Variants in SEL1L2 observed in about 807,000 individuals in gnomAD.
The protein encoded by SEL1L2 is protein sel-1 homolog 2.
SEL1L2 carries 89 observed loss-of-function variants against 98.8 expected under a neutral mutation model. That is an observed-to-expected ratio of 0.90 (90% CI 0.76 to 1.07). The LOEUF (loss-of-function observed/expected upper bound fraction) is 1.07, where lower values mean the gene tolerates loss of function less well. Among genes scored for constraint, SEL1L2 ranks in the 50% least tolerant of loss-of-function variants. SEL1L2 has a pLI of 0.00. For synonymous variants in SEL1L2, 262 were observed against 278.5 expected (o/e 0.94, Z 0.59); for missense variants, 788 against 812.0 (o/e 0.97, Z 0.36).
intron 2 of SEL1L2, among the ~76,000 whole-genome samples, chr20:13,944,739 C>T (rs765828717): frequency 9.9e-5 from 15 of 152,188 alleles, no homozygotes; most frequent in Non-Finnish European, 2.2e-4. Flanking sequence ...GCTCTTCAAA[C>T]TGTTTCCTTT....
chr20:13,852,340 G>A (rs1348095745), intron 18 of SEL1L2, among the ~76,000 whole-genome samples: 1 of 152,176 alleles, frequency 6.6e-6, no homozygotes, highest in African/African-American at 2.4e-5. Flanking sequence ...TTTGCAGTGT[G>A]TGTGGGGCTG....
intron 5 of SEL1L2, among the ~76,000 whole-genome samples, chr20:13,890,824 TAAAA>T (rs139456204): frequency 2.0e-5 from 3 of 152,156 alleles, no homozygotes; most frequent in Admixed American, 6.5e-5. Flanking sequence ...GAGAAACTAT[TAAAA>T]AAACAGAAAT....
chr20:13,947,780 A>C (rs1460772762), intron 2 of SEL1L2, among the ~76,000 whole-genome samples: 1 of 152,230 alleles, frequency 6.6e-6, no homozygotes, highest in Non-Finnish European at 1.5e-5. Flanking sequence ...ATCCAGACGC[A>C]GGTGCCCACA....
At chr20:13,932,161 G>C (rs2049173077) in intron 2 of SEL1L2, among the ~76,000 whole-genome samples, 1 of 152,062 alleles carries the variant, frequency 6.6e-6, no homozygotes, top group African/African-American at 2.4e-5. Flanking sequence ...TATAATGGGT[G>C]GAAAGTACAG....
intron 2 of SEL1L2, among the ~76,000 whole-genome samples, chr20:13,934,070 C>T (rs996994531): frequency 9.3e-5 from 14 of 150,000 alleles, no homozygotes; most frequent in Non-Finnish European, 1.8e-4. Context: ...ACCCATCACC[C>T]GAGCAGTATA....
chr20:13,938,922 G>C (rs2049589528), intron 2 of SEL1L2, among the ~76,000 whole-genome samples: 2 of 151,608 alleles, frequency 1.3e-5, no homozygotes, highest in Admixed American at 6.6e-5. Context: ...TGGGACCTCT[G>C]GCTATTTAAT....
At chr20:13,944,232 C>T (rs1205416740) in intron 2 of SEL1L2, among the ~76,000 whole-genome samples, 1 of 152,128 alleles carries the variant, frequency 6.6e-6, no homozygotes, top group Non-Finnish European at 1.5e-5. Flanking sequence ...CTCAGAGAAA[C>T]AGCAAATGCC....
intron 5 of SEL1L2, among the ~76,000 whole-genome samples, chr20:13,892,507 T>C (rs986984688): frequency 3.4e-5 from 5 of 147,568 alleles, no homozygotes; most frequent in Non-Finnish European, 7.5e-5. Flanking sequence ...ACAAAGAAAA[T>C]GTGCATTGAG....
intron 12 of SEL1L2, among the ~76,000 whole-genome samples, chr20:13,871,811 C>T (rs916766661): frequency 4.6e-5 from 7 of 152,130 alleles, no homozygotes; most frequent in African/African-American, 1.7e-4. Flanking sequence ...CGCACCCTGC[C>T]GACCAACTGA....
chr20:13,928,285 T>G (rs1397890222), intron 3 of SEL1L2: 1 of 152,210 alleles, frequency 6.6e-6, no homozygotes, highest in Non-Finnish European at 1.5e-5. Context: ...CTTTCCATCC[T>G]TGAAGACTTG....
chr20:13,956,191 A>G, intron 1 of SEL1L2, 60 bp from the exon 2 acceptor site: 2 of 835,150 alleles, frequency 2.4e-6, no homozygotes, highest in Non-Finnish European at 3.7e-6. Flanking sequence ...AAATTTCACT[A>G]AATACAATTT....
chr20:13,919,006 T>A lies in SEL1L2; in HGVS notation c.386+15A>T, dbSNP rs2048531983. ...GGAAATTCAACTTGGCTAAGGTCAC[T>A]GGATAAAGACTTACTCTTCTTTTTG... On this transcript the variant is annotated intron_variant, in intron 4 of 19. Coordinates refer to ENST00000284951, the MANE Select transcript of SEL1L2 (RefSeq NM_025229.2). 3.8e-6 allele frequency: 6 copies of A among 1,568,722 alleles called. No homozygotes were observed. Among genetic ancestry groups the A allele is most frequent in the Non-Finnish European group, 5.2e-6 (6 of 1,147,492 alleles).
chr20:13,886,970 A>G (rs771317204), intron 8 of SEL1L2, among the ~76,000 whole-genome samples: 1 of 152,166 alleles, frequency 6.6e-6, no homozygotes, highest in Non-Finnish European at 1.5e-5. Flanking sequence ...ATCAACTTAT[A>G]TCAGACTCTA....
chr20:13,929,069 A>G (rs1600791079), intron 3 of SEL1L2, among the ~76,000 whole-genome samples: 1 of 152,108 alleles, frequency 6.6e-6, no homozygotes. Flanking sequence ...AGCCTTAAGA[A>G]TGGAACTGAG....
At chr20:13,964,234 TC>T (rs766988056) in intron 1 of SEL1L2, among the ~76,000 whole-genome samples, 3 of 151,970 alleles carry the variant, frequency 2.0e-5, no homozygotes, top group African/African-American at 4.8e-5. Flanking sequence ...ATATGTTCTA[TC>T]CCCCTATTTT....
intron 12 of SEL1L2, among the ~76,000 whole-genome samples, chr20:13,870,437 T>C (rs1194636122): frequency 6.6e-6 from 1 of 152,244 alleles, no homozygotes; most frequent in South Asian, 2.1e-4. Context: ...TATTCAACAC[T>C]TATTTAGGAC....
intron 1 of SEL1L2, among the ~76,000 whole-genome samples, chr20:13,962,679 A>C (rs2050834460): frequency 6.6e-6 from 1 of 152,250 alleles, no homozygotes. Context: ...CTTGATTCAA[A>C]AATCTCAATT....
chr20:13,934,433 C>T (rs1232152817), intron 2 of SEL1L2, among the ~76,000 whole-genome samples: 3 of 26,484 alleles, frequency 1.1e-4, no homozygotes, highest in African/African-American at 2.6e-4. Flanking sequence ...ATATATATTC[C>T]ATATATATAT....
At position 13,931,503 on chromosome 20, in the gene SEL1L2, A is replaced by T. The variant is rs1247824225; in HGVS notation, c.283+100T>A. On this transcript the variant is annotated intron_variant, in intron 3 of 19. Coordinates refer to ENST00000284951, the MANE Select transcript of SEL1L2 (RefSeq NM_025229.2). ...AATGCTTTTGTGTGTATAAATATTT[A>T]TGACTATATCCTAAGACTTCTCAGA... 9 of 660,024 alleles carry T rather than the reference A, an allele frequency of 1.4e-5. No individual in the cohort carries two copies. In the Admixed American group the frequency reaches 3.0e-4, roughly 22 times the overall value. 40.9% of individuals were successfully genotyped at this position (660,024 alleles called of 1,614,324 possible).
Sources: gnomAD v4.1 joint callset for allele counts (sites outside exome capture counted in the v4.1 genomes callset) on GRCh38, gnomAD v4.1.1 for gene constraint, MANE v1.5 for transcripts, NCBI Gene and HGNC (gene_info 2026-07-23, HGNC 2026-07-21) for gene names.